Variants in CFAP95 observed in about 807,000 individuals in gnomAD.
The protein encoded by CFAP95 is cilia and flagella associated protein 95.
chr9:69,866,208 C>T, the CFAP95 span, among the ~76,000 whole-genome samples: 2 of 152,144 alleles, frequency 1.3e-5, no homozygotes, highest in African/African-American at 2.4e-5. Context: ...TTGGATTAGT[C>T]AGTATTCTCC....
At chr9:69,870,395 T>G in the CFAP95 span, among the ~76,000 whole-genome samples, 1 of 152,216 alleles carries the variant, frequency 6.6e-6, no homozygotes, top group African/African-American at 2.4e-5. Flanking sequence ...AGACATTTAT[T>G]TGGTCACCTG....
chr9:69,893,164 T>C, the CFAP95 span, among the ~76,000 whole-genome samples: 3 of 152,192 alleles, frequency 2.0e-5, no homozygotes, highest in Non-Finnish European at 4.4e-5. Flanking sequence ...GGCGCTTCCA[T>C]GGGCTCGCAC....
the CFAP95 span, among the ~76,000 whole-genome samples, chr9:69,879,071 C>A: frequency 1.3e-5 from 2 of 152,180 alleles, no homozygotes; most frequent in Non-Finnish European, 2.9e-5. Context: ...CACCTCCCCC[C>A]AGGCCTCACC....
At chr9:69,881,846 A>G in the CFAP95 span, among the ~76,000 whole-genome samples, 1 of 151,978 alleles carries the variant, frequency 6.6e-6, no homozygotes, top group South Asian at 2.1e-4. Flanking sequence ...TCTCTCATCC[A>G]TGTTTTATAG....
chr9:69,832,620 A>ATTTTTTTTTTTTTTTTTTTTT, the CFAP95 span, among the ~76,000 whole-genome samples: 7 of 11,350 alleles, frequency 6.2e-4, 1 homozygote, highest in Non-Finnish European at 8.0e-4. Flanking sequence ...GTCTATTCGG[A>ATTTTTTTTTTTTTTTTTTTTT]TTTTTTTTTT....
chr9:69,823,983 G>T, the CFAP95 span, among the ~76,000 whole-genome samples: 1 of 152,144 alleles, frequency 6.6e-6, no homozygotes, highest in Non-Finnish European at 1.5e-5. Flanking sequence ...AGATGTGTAC[G>T]TGCAGGTCAC....
At chr9:69,867,508 G>C in the CFAP95 span, among the ~76,000 whole-genome samples, 2 of 152,150 alleles carry the variant, frequency 1.3e-5, no homozygotes, top group Non-Finnish European at 2.9e-5. Context: ...CCACTAGTTT[G>C]CAGAGATGGC....
the CFAP95 span, among the ~76,000 whole-genome samples, chr9:69,843,546 CTCCTCCTCCTCCTTCTTCTTCTTCTTCT>C: frequency 1.0e-4 from 3 of 29,862 alleles, no homozygotes; most frequent in Non-Finnish European, 2.0e-4. Flanking sequence ...CCTCCTCCTC[CTCCTCCTCCTCCTTCTTCTTCTTCTTCT>C]TCTTCTTCTT....
At chr9:69,877,117 C>T in the CFAP95 span, among the ~76,000 whole-genome samples, 9 of 152,192 alleles carry the variant, frequency 5.9e-5, no homozygotes, top group South Asian at 1.9e-3. Flanking sequence ...ACGTAATATA[C>T]ATGTAATTAT....
At chr9:69,823,225 A>G in the CFAP95 span, among the ~76,000 whole-genome samples, 1 of 152,050 alleles carries the variant, frequency 6.6e-6, no homozygotes, top group Non-Finnish European at 1.5e-5. Flanking sequence ...TGATAAAACC[A>G]TCAAATCTTT....
chr9:69,833,152 C>G, the CFAP95 span, among the ~76,000 whole-genome samples: 5 of 152,092 alleles, frequency 3.3e-5, no homozygotes, highest in Admixed American at 2.6e-4. Flanking sequence ...AAATAAATCC[C>G]ACTCCCTTTA....
chr9:69,890,052 G>T, the CFAP95 span, among the ~76,000 whole-genome samples: 2 of 152,014 alleles, frequency 1.3e-5, no homozygotes, highest in East Asian at 3.9e-4. Flanking sequence ...AAGTGTGATG[G>T]TTTATCATCA....
chr9:69,878,398 C>T, the CFAP95 span, among the ~76,000 whole-genome samples: 27 of 152,258 alleles, frequency 1.8e-4, no homozygotes, highest in Middle Eastern at 3.4e-3. Context: ...TGTGTTTCAC[C>T]CCTGCTAGAG....
the CFAP95 span, among the ~76,000 whole-genome samples, chr9:69,880,527 A>G: frequency 1.3e-5 from 2 of 152,326 alleles, no homozygotes; most frequent in South Asian, 2.1e-4. Context: ...TTCATTGTCT[A>G]TAAGTACCAC....
chr9:69,862,275 A>G, the CFAP95 span, among the ~76,000 whole-genome samples: 1 of 152,330 alleles, frequency 6.6e-6, no homozygotes, highest in Middle Eastern at 3.4e-3. Context: ...TGGTAAATGC[A>G]TTTGAAGACA....
At chr9:69,854,774 T>C in the CFAP95 span, among the ~76,000 whole-genome samples, 1 of 152,198 alleles carries the variant, frequency 6.6e-6, no homozygotes, top group Non-Finnish European at 1.5e-5. Flanking sequence ...TTTATTTCTG[T>C]GATTTCCTCC....
the CFAP95 span, among the ~76,000 whole-genome samples, chr9:69,883,659 T>G: frequency 6.6e-6 from 1 of 152,184 alleles, no homozygotes; most frequent in Non-Finnish European, 1.5e-5. Context: ...CTAGATTTTC[T>G]AATTTATTGG....
chr9:69,885,771 T>C, the CFAP95 span, among the ~76,000 whole-genome samples: 1 of 152,060 alleles, frequency 6.6e-6, no homozygotes, highest in Non-Finnish European at 1.5e-5. Flanking sequence ...GGTCAAAAAG[T>C]TCATAGAGGC....
the CFAP95 span, among the ~76,000 whole-genome samples, chr9:69,875,217 T>C: frequency 6.6e-6 from 1 of 152,166 alleles, no homozygotes; most frequent in South Asian, 2.1e-4. Context: ...TTTGGATTTT[T>C]TTTTTAAGGG....
Sources: allele counts gnomAD v4.1 joint callset (sites outside exome capture counted in the v4.1 genomes callset), GRCh38; gene constraint gnomAD v4.1.1; transcripts MANE v1.5; gene names NCBI Gene and HGNC (gene_info 2026-07-23, HGNC 2026-07-21).